LRRC4C: variants seen among roughly 807,000 people sequenced by gnomAD.
LRRC4C encodes the protein leucine-rich repeat-containing protein 4C.
LRRC4C carries 5 observed loss-of-function variants against 33.6 expected under a neutral mutation model. That is an observed-to-expected ratio of 0.15 (90% CI 0.08 to 0.31). The LOEUF (loss-of-function observed/expected upper bound fraction) is 0.31, where lower values mean the gene tolerates loss of function less well. LRRC4C is among the 10% of genes least tolerant of loss of function. LRRC4C has a pLI of 1.00. For synonymous variants in LRRC4C, 329 were observed against 302.0 expected, an observed-to-expected ratio of 1.09 and a Z score of -0.93; for missense variants, 560 against 796.7, an observed-to-expected ratio of 0.70 and a Z score of 3.58.
chr11:41,420,056 C>A (rs1185367242), intron 1 of LRRC4C, among the ~76,000 whole-genome samples: 1 of 151,916 alleles, frequency 6.6e-6, no homozygotes, highest in Non-Finnish European at 1.5e-5. Flanking sequence ...TCTCGGGGAA[C>A]ATCCTGCTTT....
intron 1 of LRRC4C, among the ~76,000 whole-genome samples, chr11:41,142,102 T>C (rs1226662356): frequency 6.6e-6 from 1 of 151,866 alleles, no homozygotes; most frequent in Non-Finnish European, 1.5e-5. Flanking sequence ...AGTCCCAAAC[T>C]AGCTCATTCT....
chr11:40,581,247 G>A (rs1383208722), intron 3 of LRRC4C, among the ~76,000 whole-genome samples: 2 of 152,150 alleles, frequency 1.3e-5, no homozygotes, highest in East Asian at 1.9e-4. Context: ...TCAGTACAAC[G>A]CTGTGGTAAT....
intron 1 of LRRC4C, among the ~76,000 whole-genome samples, chr11:41,248,119 CT>C (rs1486655665): frequency 6.6e-6 from 1 of 152,136 alleles, no homozygotes; most frequent in East Asian, 1.9e-4. Flanking sequence ...AGTAAATAAG[CT>C]TATCTTCTTT....
At chr11:41,447,106 T>C (rs999628110) in intron 1 of LRRC4C, among the ~76,000 whole-genome samples, 2 of 152,202 alleles carry the variant, frequency 1.3e-5, no homozygotes, top group African/African-American at 4.8e-5. Context: ...GCTATGAATG[T>C]GACCATATGT....
intron 3 of LRRC4C, among the ~76,000 whole-genome samples, chr11:40,426,295 G>C (rs1950713126): frequency 6.6e-6 from 1 of 151,976 alleles, no homozygotes; most frequent in South Asian, 2.1e-4. Flanking sequence ...TTACAGGTGT[G>C]AGCCACCGCG....
chr11:40,751,984 A>C (rs548310659), intron 2 of LRRC4C, among the ~76,000 whole-genome samples: 1 of 152,280 alleles, frequency 6.6e-6, no homozygotes, highest in East Asian at 1.9e-4. Flanking sequence ...AAATACATCA[A>C]GAACATACAC....
At chr11:40,931,552 G>A (rs181633010) in intron 2 of LRRC4C, among the ~76,000 whole-genome samples, 34 of 151,958 alleles carry the variant, frequency 2.2e-4, no homozygotes, top group African/African-American at 5.8e-4. Context: ...GTCTAAGTTC[G>A]CATGCATATA....
At chr11:41,214,642 C>T (rs565987887) in intron 1 of LRRC4C, among the ~76,000 whole-genome samples, 6 of 146,344 alleles carry the variant, frequency 4.1e-5, no homozygotes, top group South Asian at 4.3e-4. Context: ...CCCAGCTACT[C>T]GGCAGGCTGA....
At chr11:41,014,945 C>A (rs1197811178) in intron 1 of LRRC4C, among the ~76,000 whole-genome samples, 1 of 152,206 alleles carries the variant, frequency 6.6e-6, no homozygotes, top group African/African-American at 2.4e-5. Flanking sequence ...TTTCAATTTT[C>A]TGACTCAAAG....
chr11:40,535,521 A>T (rs1956435476), intron 3 of LRRC4C, among the ~76,000 whole-genome samples: 2 of 152,328 alleles, frequency 1.3e-5, no homozygotes, highest in South Asian at 2.1e-4. Flanking sequence ...GTGCAATGTA[A>T]CTTTTAAACA....
intron 1 of LRRC4C, among the ~76,000 whole-genome samples, chr11:41,164,426 T>A (rs984587080): frequency 1.3e-5 from 2 of 151,874 alleles, no homozygotes; most frequent in African/African-American, 4.8e-5. Flanking sequence ...TATAGTTACC[T>A]TTTTTTTACA....
At chr11:40,702,026 T>A (rs1386222056) in intron 2 of LRRC4C, among the ~76,000 whole-genome samples, 1 of 152,006 alleles carries the variant, frequency 6.6e-6, no homozygotes, top group African/African-American at 2.4e-5. Context: ...TAAAAAAATT[T>A]ATTCCATTTC....
At chr11:41,418,165 A>G (rs1013314261) in intron 1 of LRRC4C, among the ~76,000 whole-genome samples, 1 of 151,954 alleles carries the variant, frequency 6.6e-6, no homozygotes, top group Non-Finnish European at 1.5e-5. Flanking sequence ...ATAGACTTTT[A>G]CAAGAATTAT....
chr11:40,350,378 C>A (rs532291067), intron 3 of LRRC4C, among the ~76,000 whole-genome samples: 2 of 151,998 alleles, frequency 1.3e-5, no homozygotes, highest in Admixed American at 1.3e-4. Flanking sequence ...TTCTTGGTGC[C>A]TTAAAATGAG....
At chr11:40,636,531 CT>C (rs1941760208) in intron 3 of LRRC4C, among the ~76,000 whole-genome samples, 1 of 152,096 alleles carries the variant, frequency 6.6e-6, no homozygotes, top group South Asian at 2.1e-4. Flanking sequence ...AACAAGTGGG[CT>C]CAGGATAGAG....
chr11:40,916,022 G>A (rs1276606230), intron 2 of LRRC4C, among the ~76,000 whole-genome samples: 4 of 152,164 alleles, frequency 2.6e-5, no homozygotes, highest in African/African-American at 9.7e-5. Flanking sequence ...AGTTAGAATG[G>A]CAATCATTAA....
At chr11:40,411,246 G>A (rs907145285) in intron 3 of LRRC4C, among the ~76,000 whole-genome samples, 18 of 152,070 alleles carry the variant, frequency 1.2e-4, no homozygotes, top group Admixed American at 3.3e-4. Flanking sequence ...ATTGTTACTG[G>A]AAAAACGCAA....
chr11:40,143,165 C>T (rs1462048314), intron 5 of LRRC4C, among the ~76,000 whole-genome samples: 2 of 152,032 alleles, frequency 1.3e-5, no homozygotes, highest in Admixed American at 6.6e-5. Flanking sequence ...CTGTTTTTTT[C>T]TCCAAACACA....
chr11:40,966,842 G>A (rs1293997004), intron 1 of LRRC4C, among the ~76,000 whole-genome samples: 1 of 151,876 alleles, frequency 6.6e-6, no homozygotes. Flanking sequence ...ACTGACTAGA[G>A]CATCTCCTAG....
Sources: allele counts gnomAD v4.1 joint callset (sites outside exome capture counted in the v4.1 genomes callset), GRCh38; gene constraint gnomAD v4.1.1; transcripts MANE v1.5; gene names NCBI Gene and HGNC (gene_info 2026-07-23, HGNC 2026-07-21).